Variants in TMEM45A observed in about 807,000 individuals in gnomAD.
TMEM45A encodes transmembrane protein 45A, also known as DNA polymerase-transactivated protein 4.
TMEM45A carries 25 observed loss-of-function variants against 32.0 expected under a neutral mutation model. The ratio of observed to expected loss-of-function variants is 0.78; its 90% CI spans 0.57 to 1.09. TMEM45A has a LOEUF of 1.09. Among genes scored for constraint, TMEM45A ranks in the 50% least tolerant of loss-of-function variants. TMEM45A has a pLI of 0.00. For synonymous variants in TMEM45A, 122 were observed against 114.8 expected, an observed-to-expected ratio of 1.06 and a Z score of -0.40; for missense variants, 302 against 325.0, an observed-to-expected ratio of 0.93 and a Z score of 0.54.
intron 1 of TMEM45A, among the ~76,000 whole-genome samples, chr3:100,525,792 TGGTA>T (rs1304484609): frequency 6.6e-6 from 1 of 152,158 alleles, no homozygotes; most frequent in Admixed American, 6.5e-5. Flanking sequence ...TCAGAGCTTG[TGGTA>T]CGGGGAGACA....
intron 1 of TMEM45A, among the ~76,000 whole-genome samples, chr3:100,499,340 T>C (rs908822640): frequency 1.3e-5 from 2 of 152,218 alleles, no homozygotes; most frequent in Non-Finnish European, 2.9e-5. Flanking sequence ...TATGTATAAG[T>C]CTTTGTTCCA....
In TMEM45A at chr3:100,531,622, C is replaced by A. The variant is rs140410866; in HGVS notation, c.-3-23587C>A. Among the ~76,000 whole-genome samples the A allele has an allele frequency of 1.4e-4, 21 of 152,234 alleles. No individual in the cohort carries two copies. In the East Asian group the frequency reaches 2.9e-3, roughly 21 times the overall value. On this transcript the variant is annotated intron_variant, in intron 1 of 5. Coordinates refer to ENST00000323523, the MANE Select transcript of TMEM45A (RefSeq NM_018004.3). ...GAATTGCTATCATGATGGTAGTAAG[C>A]AGCACTGCTTTAATTATCAAGGGTT...
intron 1 of TMEM45A, among the ~76,000 whole-genome samples, chr3:100,525,024 A>G (rs941246025): frequency 6.6e-6 from 1 of 152,040 alleles, no homozygotes; most frequent in African/African-American, 2.4e-5. Context: ...CCTTGTCTTT[A>G]AAAAAATAAA....
At chr3:100,529,866 C>T (rs768877691) in intron 1 of TMEM45A, among the ~76,000 whole-genome samples, 2 of 152,090 alleles carry the variant, frequency 1.3e-5, no homozygotes, top group African/African-American at 2.4e-5. Flanking sequence ...GATCCACATG[C>T]CTCGGTCTCC....
intron 1 of TMEM45A, among the ~76,000 whole-genome samples, chr3:100,548,100 AT>A (rs1393031629): frequency 2.0e-5 from 3 of 152,186 alleles, no homozygotes; most frequent in Non-Finnish European, 2.9e-5. Flanking sequence ...GATAAAATAA[AT>A]AAGGTAATAG....
intron 1 of TMEM45A, among the ~76,000 whole-genome samples, chr3:100,494,570 C>T (rs775066369): frequency 5.3e-5 from 8 of 151,492 alleles, no homozygotes; most frequent in Non-Finnish European, 7.4e-5. Flanking sequence ...TGCAGTGAGC[C>T]AAGATCACGC....
At chr3:100,498,734 A>G (rs985453623) in intron 1 of TMEM45A, among the ~76,000 whole-genome samples, 1 of 152,192 alleles carries the variant, frequency 6.6e-6, no homozygotes, top group Non-Finnish European at 1.5e-5. Context: ...TTTTGGGTGT[A>G]TAACCAGAAG....
At chr3:100,531,196 A>C (rs886498086) in intron 1 of TMEM45A, among the ~76,000 whole-genome samples, 1 of 152,090 alleles carries the variant, frequency 6.6e-6, no homozygotes, top group Non-Finnish European at 1.5e-5. Flanking sequence ...TAATTATTTC[A>C]TTATAGTTTT....
Position 100,523,420 on chromosome 3 carries a change from G to C in TMEM45A, c.-4+30492G>C, listed in dbSNP as rs546214881. Among the ~76,000 whole-genome samples the C allele has an allele frequency of 2.0e-5, 3 of 152,234 alleles. No homozygotes were observed. The East Asian group carries it at 5.8e-4, about 29-fold the overall frequency. On this transcript the variant is annotated intron_variant, in intron 1 of 5. Coordinates refer to ENST00000323523, the MANE Select transcript of TMEM45A (RefSeq NM_018004.3). ...TTAACAACCCTATTCAATAAATGCT[G>C]GGTACTGGGAATATAAAGATTAAAG...
chr3:100,511,823 T>C (rs28853091), intron 1 of TMEM45A, among the ~76,000 whole-genome samples: 73,816 of 151,564 alleles, frequency 0.49, 20,325 homozygotes, highest in African/African-American at 0.76. Flanking sequence ...GGGTTGCAAT[T>C]CTCCTCTCTG....
At chr3:100,505,276 A>G (rs1708063938) in intron 1 of TMEM45A, among the ~76,000 whole-genome samples, 1 of 152,202 alleles carries the variant, frequency 6.6e-6, no homozygotes, top group South Asian at 2.1e-4. Flanking sequence ...AAGCAGCTAC[A>G]TGGAAAATGG....
chr3:100,576,846 T>C, intron 5 of TMEM45A, 79 bp from the exon 6 acceptor site: 5 of 1,055,326 alleles, frequency 4.7e-6, no homozygotes, highest in Non-Finnish European at 5.7e-6. Context: ...ATCTAGACTT[T>C]GTGGTATAAT....
chr3:100,545,721 C>G (rs1383961461), intron 1 of TMEM45A, among the ~76,000 whole-genome samples: 1 of 152,130 alleles, frequency 6.6e-6, no homozygotes, highest in African/African-American at 2.4e-5. Context: ...CTTAGCCTAT[C>G]TTTTTGGAAT....
rs1706269995 is a variant in TMEM45A at position 100,558,588 on chromosome 3, A to G, written c.587A>G (p.Gln196Arg). The change falls in exon 4 of 6, where the codon CAG becomes CGG. Residue 196 changes from glutamine to arginine, a missense_variant and splice_region_variant. By Grantham distance (43) the Gln-to-Arg change is conservative. Coordinates refer to ENST00000323523, the MANE Select transcript of TMEM45A (RefSeq NM_018004.3). Reference sequence around the variant, plus strand: ...CTGCTTCAGGGGAGCTGGTTCTTTCAGGTGAGTTGGGGCCTCTAGTTAATG... The same window carrying G: ...CTGCTTCAGGGGAGCTGGTTCTTTCGGGTGAGTTGGGGCCTCTAGTTAATG... ...LILLQGSWFFQIGFVLYPPSG... is the reference protein window; with the variant it reads ...LILLQGSWFFRIGFVLYPPSG... 6.2e-7 allele frequency: 1 copy of G among 1,613,540 alleles called. No individual in the cohort carries two copies. Among genetic ancestry groups the G allele is most frequent in the East Asian group, 2.2e-5 (1 of 44,872 alleles).
chr3:100,542,081 T>A (rs1705893372), intron 1 of TMEM45A, among the ~76,000 whole-genome samples: 1 of 152,204 alleles, frequency 6.6e-6, no homozygotes, highest in Non-Finnish European at 1.5e-5. Flanking sequence ...GTTGGTCAGA[T>A]AATGTGATGT....
intron 1 of TMEM45A, among the ~76,000 whole-genome samples, chr3:100,514,759 T>G (rs1375407060): frequency 3.3e-5 from 5 of 151,942 alleles, no homozygotes; most frequent in Non-Finnish European, 7.4e-5. Context: ...GAATCTACAA[T>G]GAACTCTAAC....
intron 5 of TMEM45A, 105 bp downstream of exon 5, chr3:100,569,072 C>T: frequency 8.3e-7 from 1 of 1,202,654 alleles, no homozygotes; most frequent in Non-Finnish European, 1.2e-6. Flanking sequence ...CATTCCTTAT[C>T]ATCCCATAAG....
At chr3:100,553,369 G>A (rs1014032050) in intron 1 of TMEM45A, among the ~76,000 whole-genome samples, 10 of 151,972 alleles carry the variant, frequency 6.6e-5, no homozygotes, top group Non-Finnish European at 1.0e-4. Flanking sequence ...CAGTGGCTGC[G>A]TAATTTATTT....
At chr3:100,514,535 C>T (rs1204724185) in intron 1 of TMEM45A, among the ~76,000 whole-genome samples, 1 of 151,730 alleles carries the variant, frequency 6.6e-6, no homozygotes, top group African/African-American at 2.4e-5. Flanking sequence ...AGAAGAAAAC[C>T]TAGGCATTAC....
Sources: gnomAD v4.1 joint callset for allele counts (sites outside exome capture counted in the v4.1 genomes callset) on GRCh38, gnomAD v4.1.1 for gene constraint, MANE v1.5 for transcripts, NCBI Gene and HGNC (gene_info 2026-07-23, HGNC 2026-07-21) for gene names.